The following STARD9 variants were observed in gnomAD, a reference collection of about 807,000 sequenced individuals.
STARD9 encodes the protein StAR related lipid transfer domain containing 9.
In STARD9, 346 loss-of-function variants were observed where a neutral mutation model predicts 399.8. The ratio of observed to expected loss-of-function variants is 0.87; its 90% confidence interval spans 0.79 to 0.95. The LOEUF (loss-of-function observed/expected upper bound fraction) is 0.95, where lower values mean the gene tolerates loss of function less well. Among genes scored for constraint, STARD9 ranks in the 40% least tolerant of loss-of-function variants. The pLI is 0.00. For synonymous variants in STARD9, 2,203 were observed against 2,143.5 expected, an observed-to-expected ratio of 1.03 and a Z score of -0.77; for missense variants, 5,832 against 5,667.5, an observed-to-expected ratio of 1.03 and a Z score of -0.93.
intron 3 of STARD9, among the ~76,000 whole-genome samples, chr15:42,610,215 A>T (rs527938618): frequency 6.6e-6 from 1 of 152,310 alleles, no homozygotes; most frequent in East Asian, 1.9e-4. Flanking sequence ...CTGAATATTC[A>T]TTGCCCTTCA....
chr15:42,707,084 T>G (rs1204188600), intron 26 of STARD9, among the ~76,000 whole-genome samples: 1 of 152,236 alleles, frequency 6.6e-6, no homozygotes, highest in Non-Finnish European at 1.5e-5. Context: ...GTTATTACTT[T>G]ATACTCCTTT....
intron 7 of STARD9, among the ~76,000 whole-genome samples, chr15:42,646,307 T>G (rs2059644138): frequency 1.3e-5 from 2 of 152,246 alleles, no homozygotes; most frequent in Non-Finnish European, 2.9e-5. Context: ...ATAAAAATCC[T>G]AGATGACACC....
At chr15:42,664,821 CACA>C (rs2060060123) in intron 13 of STARD9, among the ~76,000 whole-genome samples, 7 of 151,190 alleles carry the variant, frequency 4.6e-5, no homozygotes, top group African/African-American at 1.7e-4. Context: ...CACACACACA[CACA>C]CCCCATACGT....
intron 3 of STARD9, among the ~76,000 whole-genome samples, chr15:42,614,697 T>C (rs1389624983): frequency 6.6e-6 from 1 of 152,168 alleles, no homozygotes; most frequent in Non-Finnish European, 1.5e-5. Flanking sequence ...CTGGGCACGG[T>C]GGCTCACGCC....
Position 42,686,278 on chromosome 15 carries a change from A to G in STARD9, c.4700A>G (p.Asn1567Ser). The change falls in exon 23 of 33, where the codon AAT becomes AGT. Residue 1567 changes from asparagine to serine, a missense_variant. By Grantham distance (46) the Asn-to-Ser change is conservative (BLOSUM62 1). Transcript: ENST00000290607. The part of the protein sequence containing the change: ...LRAEKEQDSL[N>S]AKLEGVSDFF... ...GCAGAGAAAGAACAGGACAGTTTAAATGCCAAATTAGAAGGTGTTTCAGAT... is the reference window on the plus strand; with the variant it reads ...GCAGAGAAAGAACAGGACAGTTTAAGTGCCAAATTAGAAGGTGTTTCAGAT... 6.5e-7 allele frequency: 1 copy of G among 1,537,744 alleles called. No homozygotes were observed. The highest frequency in any genetic ancestry group is 2.0e-5 in the Admixed American group (1 of 51,010).
intron 1 of STARD9, among the ~76,000 whole-genome samples, chr15:42,579,922 G>A (rs2058133095): frequency 6.6e-6 from 1 of 152,124 alleles, no homozygotes; most frequent in African/African-American, 2.4e-5. Context: ...CCCACCAAGT[G>A]GAGGCTAAAG....
chr15:42,686,145 G>A lies in STARD9; in HGVS notation c.4567G>A (p.Ala1523Thr). The change falls in exon 23 of 33, where the codon GCT (alanine) becomes ACT (threonine). Residue 1523 changes from alanine (A) to threonine (T), a missense_variant. By Grantham distance (58) the Ala-to-Thr change is moderately conservative. Coordinates refer to ENST00000290607, the MANE Select transcript of STARD9 (RefSeq NM_020759.3). Reference protein sequence around the residue: ...LEEDSGSLAQASSKGGDTLLP... With the variant: ...LEEDSGSLAQTSSKGGDTLLP... ...GGAAGACTCTGGTTCCCTGGCCCAA[G>A]CTTCTAGCAAAGGAGGAGATACTCT... 6.5e-7 allele frequency: 1 copy of A among 1,537,334 alleles called. No individual in the cohort carries two copies.
intron 3 of STARD9, among the ~76,000 whole-genome samples, chr15:42,598,819 G>A (rs1010259776): frequency 6.6e-6 from 1 of 152,108 alleles, no homozygotes; most frequent in African/African-American, 2.4e-5. Context: ...TTCTAACACA[G>A]TACCGTTTAT....
chr15:42,593,473 A>G (rs183393369), intron 3 of STARD9, among the ~76,000 whole-genome samples: 4 of 152,218 alleles, frequency 2.6e-5, no homozygotes, highest in South Asian at 4.1e-4. Flanking sequence ...TCATGGAAAG[A>G]ATTGCTCCTA....
intron 8 of STARD9, among the ~76,000 whole-genome samples, chr15:42,652,073 A>G (rs536259773): frequency 6.6e-6 from 1 of 152,338 alleles, no homozygotes; most frequent in East Asian, 1.9e-4. Flanking sequence ...GTTTAATCAA[A>G]ACTTACCTTC....
chr15:42,715,205 T>C (rs2061328405), intron 26 of STARD9, among the ~76,000 whole-genome samples: 3 of 152,148 alleles, frequency 2.0e-5, no homozygotes, highest in Non-Finnish European at 1.5e-5. Flanking sequence ...ACAGAAGTTA[T>C]TTACATGATC....
In STARD9 at chr15:42,601,729, A is replaced by G. The variant is rs143562438; in HGVS notation, c.234+16092A>G. On this transcript the variant is annotated intron_variant, in intron 3 of 32. Transcript: ENST00000290607. The stretch of plus-strand genomic sequence containing the variant: ...CTTTATTTCACCTATCAGTGCAAAG[A>G]TGGACAGTGTGTTTGATTTATATTC... 3.2e-3 allele frequency among the ~76,000 whole-genome samples: 492 copies of G among 152,368 alleles called. 6 individuals carry two copies. Among genetic ancestry groups the G allele is most frequent in the African/African-American group, 0.011 (468 of 41,592 alleles).
At position 42,719,747 on chromosome 15, in the gene STARD9, G is replaced by C. The variant is rs2061418298; in HGVS notation, c.*173G>C. The C allele has an allele frequency of 1.7e-6, 1 of 590,584 alleles. No homozygotes were observed. Among genetic ancestry groups the C allele is most frequent in the Non-Finnish European group, 3.0e-6 (1 of 331,926 alleles). 36.6% of individuals were successfully genotyped at this position (590,584 alleles called of 1,614,324 possible). A position where few individuals can be genotyped will look rare whatever the true frequency, so the allele number is the denominator to read the frequency against. ...CAGGGATGCTAGCAAAGCCCAGTCA[G>C]TACTTGGTCACAGCTGGCACCAGTG... is the stretch of plus-strand genomic sequence containing the variant. On this transcript the variant is annotated 3_prime_UTR_variant, in exon 33 of 33. Coordinates refer to ENST00000290607, the MANE Select transcript of STARD9 (RefSeq NM_020759.3).
At chr15:42,711,020 T>C (rs1165616565) in intron 26 of STARD9, among the ~76,000 whole-genome samples, 1 of 151,964 alleles carries the variant, frequency 6.6e-6, no homozygotes, top group Non-Finnish European at 1.5e-5. Context: ...CTCTGTCACC[T>C]GGACTGGACT....
rs368951683 is a variant in STARD9, at chr15:42,634,669, C to A, written c.235-187C>A. Among the ~76,000 whole-genome samples the A allele has an allele frequency of 3.9e-5, 6 of 152,278 alleles. No individual in the cohort carries two copies. In the East Asian group the frequency reaches 1.2e-3, roughly 29 times the overall value. ...TACACTAGGCACTTAAAAAATTTGA[C>A]CGGCTGAATGAATGAATTTTCCTTA... On this transcript the variant is annotated intron_variant, in intron 3 of 32. Coordinates refer to ENST00000290607, the MANE Select transcript of STARD9 (RefSeq NM_020759.3).
intron 20 of STARD9, among the ~76,000 whole-genome samples, chr15:42,679,252 C>A (rs1326358952): frequency 6.6e-6 from 1 of 152,206 alleles, no homozygotes; most frequent in East Asian, 1.9e-4. Flanking sequence ...AAGCATGATA[C>A]ATATGGATGT....
rs2061417312 is a variant in STARD9, at chr15:42,719,705, G to A, written c.*131G>A. 3.2e-5 allele frequency: 21 copies of A among 647,684 alleles called. No homozygotes were observed. Among genetic ancestry groups the A allele is most frequent in the East Asian group, 2.8e-5 (1 of 36,174 alleles). 40.1% of individuals were successfully genotyped at this position (647,684 alleles called of 1,614,324 possible). ...GATGCTACCTGCTGTGGCCGATTGG[G>A]GCAGACAGCACTGGCCCAGGGATGC... On this transcript the variant is annotated 3_prime_UTR_variant, in exon 33 of 33. Transcript: ENST00000290607.
rs139009450 is a variant in STARD9 at position 42,718,986 on chromosome 15, G to A, written c.14001+76G>A. On this transcript the variant is annotated intron_variant, in intron 32 of 32. Transcript: ENST00000290607. Reference sequence around the variant, plus strand: ...CAGCCCCCTGGGATTTTTCTGTCTCGCTTTTGAACACCCTCCAGTGCCCAG... The same window carrying A: ...CAGCCCCCTGGGATTTTTCTGTCTCACTTTTGAACACCCTCCAGTGCCCAG... The A allele has an allele frequency of 1.9e-4, 267 of 1,371,282 alleles. 1 individual carries two copies. In the South Asian group the frequency reaches 2.2e-3, roughly 11 times the overall value. The allele number at this position is 1,371,282 out of a possible 1,614,324, so 84.9% of individuals were successfully genotyped here. A position where few individuals can be genotyped will look rare whatever the true frequency, so the allele number is the denominator to read the frequency against.
chr15:42,690,173 A>G lies in STARD9; in HGVS notation c.8595A>G (p.Ala2865=), dbSNP rs2060656847. ...TGCCTGGAGCTCTGACAAGGGTTGC[A>G]CTGGAAGCTCCCACACAGCAGTGTG... ...TILPGALTRV[A]LEAPTQQCVQ... is the part of the protein sequence containing the mutation. The change falls in exon 23 of 33, where the codon GCA becomes GCG. Residue 2865 remains alanine, a synonymous_variant. Coordinates refer to ENST00000290607, the MANE Select transcript of STARD9 (RefSeq NM_020759.3). 2.6e-6 allele frequency: 4 copies of G among 1,537,852 alleles called. No individual in the cohort carries two copies. The highest frequency in any genetic ancestry group is 2.6e-6 in the Non-Finnish European group (3 of 1,147,052).
Sources: allele counts gnomAD v4.1 joint callset (sites outside exome capture counted in the v4.1 genomes callset), GRCh38; gene constraint gnomAD v4.1.1; transcripts MANE v1.5; gene names NCBI Gene and HGNC (gene_info 2026-07-23, HGNC 2026-07-21).